The following PLXDC2 variants were observed in gnomAD, a reference collection of about 807,000 sequenced individuals.
PLXDC2 encodes the protein plexin domain containing 2.
PLXDC2 carries 40 observed loss-of-function variants against 68.9 expected under a neutral mutation model. The observed-to-expected ratio is 0.58, with a 90% CI of 0.45 to 0.76. The LOEUF (loss-of-function observed/expected upper bound fraction) is 0.76, where lower values mean the gene tolerates loss of function less well. Ranked by LOEUF, PLXDC2 falls within the 30% of genes least tolerant of loss-of-function variation. PLXDC2 has a pLI of 0.00. For synonymous variants in PLXDC2, 243 were observed against 234.2 expected, an observed-to-expected ratio of 1.04 and a Z score of -0.34; for missense variants, 644 against 661.9, an observed-to-expected ratio of 0.97 and a Z score of 0.30.
chr10:19,928,103 C>T (rs1275261795), intron 1 of PLXDC2, among the ~76,000 whole-genome samples: 3 of 152,196 alleles, frequency 2.0e-5, no homozygotes, highest in Non-Finnish European at 4.4e-5. Context: ...TTCCATCCAA[C>T]TTGCTGCAAA....
chr10:20,072,493 G>GAAGGAACAAAGAAAGAAAGAAAGAA (rs10687286), intron 4 of PLXDC2, among the ~76,000 whole-genome samples: 1 of 80,704 alleles, frequency 1.2e-5, no homozygotes, highest in Non-Finnish European at 2.4e-5. Context: ...AAGAAAGAAA[G>GAAGGAACAAAGAAAGAAAGAAAGAA]AGAAAGAAAG....
chr10:19,865,486 G>T (rs11593698), intron 1 of PLXDC2, among the ~76,000 whole-genome samples: 6,786 of 152,224 alleles, frequency 0.045, 191 homozygotes, highest in Middle Eastern at 0.12. Flanking sequence ...ATGAATGGAT[G>T]CAAAGATAGC....
At chr10:19,981,922 T>C (rs1376304556) in intron 1 of PLXDC2, among the ~76,000 whole-genome samples, 2 of 152,228 alleles carry the variant, frequency 1.3e-5, no homozygotes, top group Admixed American at 6.5e-5. Flanking sequence ...TTGTGAACCC[T>C]AACCATCCAG....
intron 1 of PLXDC2, among the ~76,000 whole-genome samples, chr10:19,849,040 T>C (rs1837065826): frequency 1.3e-5 from 2 of 152,160 alleles, no homozygotes; most frequent in African/African-American, 4.8e-5. Flanking sequence ...AATTTTAAAT[T>C]CCTTTATGAC....
At chr10:20,099,703 A>G (rs992173946) in intron 4 of PLXDC2, among the ~76,000 whole-genome samples, 3 of 152,212 alleles carry the variant, frequency 2.0e-5, no homozygotes, top group Non-Finnish European at 4.4e-5. Flanking sequence ...TCACTTGAAA[A>G]GATCTGCTAG....
At chr10:19,926,738 T>C (rs1025174258) in intron 1 of PLXDC2, among the ~76,000 whole-genome samples, 32 of 152,192 alleles carry the variant, frequency 2.1e-4, no homozygotes, top group Admixed American at 1.9e-3. Context: ...AAGACTTCAC[T>C]GTGAAATGAG....
Position 19,895,676 on chromosome 10 carries a change from A to G in PLXDC2, c.112+78485A>G, listed in dbSNP as rs374630717. On this transcript the variant is annotated intron_variant, in intron 1 of 13. Transcript: ENST00000377252. The stretch of plus-strand genomic sequence containing the variant: ...ACGTGGCTAGTGGCCACCGCCTTAG[A>G]CAGCTCAGTTCTGAAATTCCCTTTT... Among the ~76,000 whole-genome samples, 20 of 152,194 alleles carry G rather than the reference A, an allele frequency of 1.3e-4. 1 individual carries two copies. Among genetic ancestry groups the G allele is most frequent in the African/African-American group, 4.8e-4 (20 of 41,536 alleles).
chr10:20,097,695 G>A (rs1011773232), intron 4 of PLXDC2, among the ~76,000 whole-genome samples: 2 of 151,990 alleles, frequency 1.3e-5, no homozygotes, highest in African/African-American at 2.4e-5. Flanking sequence ...GGTAGTTTCT[G>A]CAAAAGTCAG....
chr10:20,197,019 C>T (rs7906611), intron 9 of PLXDC2, among the ~76,000 whole-genome samples: 34,602 of 151,898 alleles, frequency 0.23, 4,878 homozygotes, highest in East Asian at 0.4. Context: ...ATGCAATGTG[C>T]TCCCAAATTC....
intron 4 of PLXDC2, among the ~76,000 whole-genome samples, chr10:20,107,812 C>A (rs1589632733): frequency 6.6e-6 from 1 of 152,140 alleles, no homozygotes; most frequent in East Asian, 1.9e-4. Context: ...AAACATTTAA[C>A]TCCTAGGCAT....
chr10:20,158,240 T>C (rs1834242543), intron 6 of PLXDC2, among the ~76,000 whole-genome samples: 1 of 152,004 alleles, frequency 6.6e-6, no homozygotes, highest in Non-Finnish European at 1.5e-5. Flanking sequence ...CTTTAACATG[T>C]TTTTGGTCCA....
At chr10:20,054,431 G>C (rs117970266) in intron 3 of PLXDC2, among the ~76,000 whole-genome samples, 125 of 152,066 alleles carry the variant, frequency 8.2e-4, no homozygotes, top group Non-Finnish European at 1.4e-3. Flanking sequence ...ACAGATGGAT[G>C]GATGGATGAC....
chr10:19,973,726 G>C (rs1434695120), intron 1 of PLXDC2, among the ~76,000 whole-genome samples: 1 of 152,102 alleles, frequency 6.6e-6, no homozygotes. Flanking sequence ...GGGAATGGTG[G>C]CCCACCAGCC....
intron 2 of PLXDC2, among the ~76,000 whole-genome samples, chr10:20,025,499 T>C (rs1835384773): frequency 6.6e-6 from 1 of 152,108 alleles, no homozygotes; most frequent in African/African-American, 2.4e-5. Context: ...CGACCTCAGG[T>C]GATCTGCCTG....
chr10:19,945,821 A>G (rs150845057), intron 1 of PLXDC2, among the ~76,000 whole-genome samples: 1 of 152,314 alleles, frequency 6.6e-6, no homozygotes, highest in East Asian at 1.9e-4. Context: ...ATTCAGTGTG[A>G]CAAAGCCCCC....
chr10:19,857,088 A>C (rs1387676908), intron 1 of PLXDC2, among the ~76,000 whole-genome samples: 1 of 152,228 alleles, frequency 6.6e-6, no homozygotes, highest in Non-Finnish European at 1.5e-5. Flanking sequence ...AAACTTTCAC[A>C]AGAAGCAACA....
rs571382956 is a variant in PLXDC2, at chr10:20,097,364, A to G, written c.541+29125A>G. Among the ~76,000 whole-genome samples the G allele has an allele frequency of 9.6e-4, 146 of 152,160 alleles. 1 individual carries two copies. Among genetic ancestry groups the G allele is most frequent in the African/African-American group, 3.0e-3 (125 of 41,536 alleles). On this transcript the variant is annotated intron_variant, in intron 4 of 13. Transcript: ENST00000377252. ...TGCAGGGAAAAATGAAAAAAATTTA[A>G]TAACCGACTTTGAAGTGAAAACCAA... is the stretch of plus-strand genomic sequence containing the variant.
chr10:19,932,949 G>C (rs1195689990), intron 1 of PLXDC2, among the ~76,000 whole-genome samples: 1 of 152,164 alleles, frequency 6.6e-6, no homozygotes, highest in Non-Finnish European at 1.5e-5. Flanking sequence ...TTTTGTATTA[G>C]TCCTTTTATC....
At chr10:20,166,869 T>G (rs1564339662) in intron 7 of PLXDC2, among the ~76,000 whole-genome samples, 1 of 152,090 alleles carries the variant, frequency 6.6e-6, no homozygotes, top group Non-Finnish European at 1.5e-5. Flanking sequence ...AACTGTTACG[T>G]GTTGGGGGAA....
Sources: gnomAD v4.1 joint callset for allele counts (sites outside exome capture counted in the v4.1 genomes callset) on GRCh38, gnomAD v4.1.1 for gene constraint, MANE v1.5 for transcripts, NCBI Gene and HGNC (gene_info 2026-07-23, HGNC 2026-07-21) for gene names.